The following CTSC variants were observed in gnomAD, a reference collection of about 807,000 sequenced individuals.
CTSC encodes dipeptidyl peptidase 1.
A neutral mutation model predicts 40.9 loss-of-function variants in CTSC; 37 were observed. That is an observed-to-expected ratio of 0.91 (90% CI 0.70 to 1.19). CTSC has a LOEUF of 1.19. CTSC is among the 50% of genes most tolerant of loss of function. The pLI is 0.00. For missense variants in CTSC, 594 were observed against 567.3 expected (o/e 1.05, Z -0.48); for synonymous variants, 232 against 207.4 (o/e 1.12, Z -1.02).
intron 2 of CTSC, among the ~76,000 whole-genome samples, chr11:88,319,271 G>T (rs1159663463): frequency 1.3e-5 from 2 of 152,120 alleles, no homozygotes; most frequent in Admixed American, 1.3e-4. Context: ...CATGTTGACA[G>T]AAGTTTTTAA....
intron 2 of CTSC, chr11:88,327,880 C>T: frequency 1.9e-6 from 1 of 535,660 alleles, no homozygotes; most frequent in Non-Finnish European, 3.3e-6. Context: ...CTTGGGAGAG[C>T]TGATTTGACA....
rs1403131222 is a variant in CTSC at position 88,293,758 on chromosome 11, ACT to A, written c.*246_*247del. 3.8e-6 allele frequency: 2 copies of A among 524,538 alleles called. No homozygotes were observed. The highest frequency in any genetic ancestry group is 3.8e-5 in the African/African-American group (2 of 52,670). 32.5% of individuals were successfully genotyped at this position (524,538 alleles called of 1,614,324 possible). ...GTTTGAATTACAAATGATTAAGCAA[ACT>A]CTATTACTTCATAGCTGACCATCTT... On this transcript the variant is annotated 3_prime_UTR_variant, in exon 7 of 7. Coordinates refer to ENST00000227266, the MANE Select transcript of CTSC (RefSeq NM_001814.6).
chr11:88,326,036 GA>G (rs889476768), intron 2 of CTSC: 37 of 1,073,072 alleles, frequency 3.4e-5, no homozygotes, highest in Non-Finnish European at 3.6e-5. Context: ...GACAATCTTA[GA>G]AAAAAATCAC....
intron 2 of CTSC, chr11:88,328,078 A>G (rs1472902770): frequency 4.1e-6 from 6 of 1,453,918 alleles, no homozygotes; most frequent in Non-Finnish European, 5.8e-6. Flanking sequence ...CTTGCTTTTA[A>G]TAAGAAAGTT....
intron 4 of CTSC, among the ~76,000 whole-genome samples, chr11:88,301,198 C>T (rs1944357012): frequency 1.3e-5 from 2 of 152,304 alleles, no homozygotes; most frequent in Admixed American, 1.3e-4. Context: ...GGAAACACTT[C>T]AGCAATGGCA....
intron 2 of CTSC, among the ~76,000 whole-genome samples, chr11:88,328,654 G>A (rs946589221): frequency 1.3e-5 from 2 of 152,108 alleles, no homozygotes; most frequent in African/African-American, 4.8e-5. Context: ...TTGAGACAGA[G>A]TCTCACTCTG....
At chr11:88,326,045 C>T (rs1304665525) in intron 2 of CTSC, 1 of 1,084,800 alleles carries the variant, frequency 9.2e-7, no homozygotes, top group Non-Finnish European at 1.1e-6. Context: ...AGAAAAAAAT[C>T]ACTGTAATAG....
chr11:88,332,760 GGCACTTTAAAATAGACATAT>G (rs1476888130), intron 2 of CTSC, among the ~76,000 whole-genome samples: 1 of 152,092 alleles, frequency 6.6e-6, no homozygotes, highest in African/African-American at 2.4e-5. Flanking sequence ...TTGTCAAATG[GGCACTTTAAAATAGACATAT>G]CCTGAAATCA....
intron 4 of CTSC, among the ~76,000 whole-genome samples, chr11:88,305,622 GT>G (rs1937624663): frequency 1.3e-5 from 2 of 152,130 alleles, no homozygotes; most frequent in Admixed American, 6.5e-5. Context: ...TTTCTATTAC[GT>G]CATTGGATTC....
chr11:88,330,987 G>A (rs1938339426), intron 2 of CTSC, among the ~76,000 whole-genome samples: 2 of 152,236 alleles, frequency 1.3e-5, no homozygotes, highest in African/African-American at 4.8e-5. Context: ...CTCCTGGTGA[G>A]ATGCAGGATG....
chr11:88,327,499 G>C (rs991273940), intron 2 of CTSC, among the ~76,000 whole-genome samples: 1 of 152,170 alleles, frequency 6.6e-6, no homozygotes, highest in African/African-American at 2.4e-5. Context: ...TATGGATCCA[G>C]TGTGAGCAAT....
At chr11:88,317,371 C>T (rs1244140821) in intron 2 of CTSC, among the ~76,000 whole-genome samples, 2 of 152,156 alleles carry the variant, frequency 1.3e-5, no homozygotes, top group Non-Finnish European at 2.9e-5. Flanking sequence ...AACTTAAACC[C>T]TACACATTCC....
At chr11:88,323,172 CAT>C (rs771936994) in intron 2 of CTSC, 11 of 152,300 alleles carry the variant, frequency 7.2e-5, no homozygotes, top group Non-Finnish European at 1.5e-4. Flanking sequence ...ACAAAAACCA[CAT>C]GATTATCTCA....
At chr11:88,313,527 C>T (rs1375409284) in intron 2 of CTSC, among the ~76,000 whole-genome samples, 1 of 152,136 alleles carries the variant, frequency 6.6e-6, no homozygotes, top group Non-Finnish European at 1.5e-5. Flanking sequence ...TTATTTTTAA[C>T]AGATCCAGGA....
intron 2 of CTSC, among the ~76,000 whole-genome samples, chr11:88,329,038 A>G (rs1419025372): frequency 2.6e-5 from 4 of 152,244 alleles, no homozygotes; most frequent in Admixed American, 2.6e-4. Context: ...ATTTCCAGCC[A>G]TAATGAGTCT....
At chr11:88,333,711 G>C (rs1565266366) in intron 2 of CTSC, among the ~76,000 whole-genome samples, 1 of 152,122 alleles carries the variant, frequency 6.6e-6, no homozygotes, top group Non-Finnish European at 1.5e-5. Context: ...CAAAAAAAAT[G>C]CGTAGCATCT....
At chr11:88,326,888 C>T (rs575777878) in intron 2 of CTSC, among the ~76,000 whole-genome samples, 107 of 152,154 alleles carry the variant, frequency 7.0e-4, no homozygotes, top group African/African-American at 2.4e-3. Flanking sequence ...ACTGGTGGAG[C>T]GGTCTCCCTA....
At chr11:88,310,291 T>C (rs1004735298) in intron 3 of CTSC, among the ~76,000 whole-genome samples, 2 of 152,040 alleles carry the variant, frequency 1.3e-5, no homozygotes, top group African/African-American at 4.8e-5. Context: ...GTAAATAGAT[T>C]CAACACACAA....
In CTSC at chr11:88,324,633, C is replaced by T. The variant is rs145161494; in HGVS notation, c.318+10304G>A. 6 of 984,790 alleles carry T rather than the reference C, an allele frequency of 6.1e-6. No homozygotes were observed. The East Asian group carries it at 5.7e-4, about 93-fold the overall frequency. The allele number at this position is 984,790 out of a possible 1,614,324, so 61.0% of individuals were successfully genotyped here. A position where few individuals can be genotyped will look rare whatever the true frequency, so the allele number is the denominator to read the frequency against. The stretch of plus-strand genomic sequence containing the variant: ...TGTTGAAGATATACAGGGAGAAATA[C>T]AGATTTTCAATCTGGAAAGAGATGA... On this transcript the variant is annotated intron_variant, in intron 2 of 6. Transcript: ENST00000227266.
Sources: gnomAD v4.1 joint callset for allele counts (sites outside exome capture counted in the v4.1 genomes callset) on GRCh38, gnomAD v4.1.1 for gene constraint, MANE v1.5 for transcripts, NCBI Gene and HGNC (gene_info 2026-07-23, HGNC 2026-07-21) for gene names.